Variants in ADGRL3 observed in about 807,000 individuals in gnomAD.
ADGRL3 encodes calcium-independent alpha-latrotoxin receptor 3.
ADGRL3 carries 62 observed loss-of-function variants against 153.5 expected under a neutral mutation model. That is an observed-to-expected ratio of 0.40 (90% confidence interval 0.33 to 0.50). The LOEUF (loss-of-function observed/expected upper bound fraction) is 0.50, where lower values mean the gene tolerates loss of function less well. Ranked by LOEUF, ADGRL3 falls within the 20% of genes least tolerant of loss-of-function variation. The pLI is 0.47. For missense variants in ADGRL3, 1,641 were observed against 1,859.4 expected, an observed-to-expected ratio of 0.88 and a Z score of 2.16; for synonymous variants, 710 against 672.5, an observed-to-expected ratio of 1.06 and a Z score of -0.86.
At chr4:61,747,664 A>G (rs1415606844) in intron 8 of ADGRL3, among the ~76,000 whole-genome samples, 4 of 144,500 alleles carry the variant, frequency 2.8e-5, no homozygotes, top group Non-Finnish European at 6.0e-5. Flanking sequence ...ACAACCCTTC[A>G]TGCTAAAAAC....
At chr4:61,381,027 G>A (rs912359029) in intron 1 of ADGRL3, among the ~76,000 whole-genome samples, 1 of 151,658 alleles carries the variant, frequency 6.6e-6, no homozygotes, top group Non-Finnish European at 1.5e-5. Context: ...CTTCTCATTA[G>A]CAGGCTAAGT....
chr4:61,835,630 A>G (rs1414673595), intron 9 of ADGRL3, among the ~76,000 whole-genome samples: 1 of 152,150 alleles, frequency 6.6e-6, no homozygotes, highest in Non-Finnish European at 1.5e-5. Flanking sequence ...CTTCAAAGAC[A>G]TAGTAAGGAG....
At chr4:61,414,949 T>G (rs891029659) in intron 2 of ADGRL3, among the ~76,000 whole-genome samples, 5 of 152,056 alleles carry the variant, frequency 3.3e-5, no homozygotes, top group Non-Finnish European at 7.4e-5. Flanking sequence ...CTATTTACTC[T>G]GCATAGTAGC....
intron 5 of ADGRL3, among the ~76,000 whole-genome samples, chr4:61,649,239 T>C (rs747937905): frequency 6.6e-6 from 1 of 152,090 alleles, no homozygotes; most frequent in Non-Finnish European, 1.5e-5. Context: ...TTTAAAAAAA[T>C]CAAGTTTATA....
intron 9 of ADGRL3, among the ~76,000 whole-genome samples, chr4:61,871,185 G>A (rs1043761467): frequency 2.0e-5 from 3 of 151,970 alleles, no homozygotes; most frequent in Admixed American, 6.6e-5. Flanking sequence ...GGCTAAGGCA[G>A]GAGAATGGCG....
intron 5 of ADGRL3, among the ~76,000 whole-genome samples, chr4:61,652,740 A>T (rs912125632): frequency 3.9e-5 from 6 of 152,240 alleles, no homozygotes; most frequent in East Asian, 3.8e-4. Context: ...TATTTCTGTC[A>T]TAATTATAAC....
chr4:61,478,437 T>C (rs942040757), intron 2 of ADGRL3, among the ~76,000 whole-genome samples: 1 of 152,066 alleles, frequency 6.6e-6, no homozygotes, highest in South Asian at 2.1e-4. Flanking sequence ...GAGTAGCTAA[T>C]GGATGCTTTT....
chr4:61,286,601 T>C (rs186449107), intron 1 of ADGRL3, among the ~76,000 whole-genome samples: 44 of 151,868 alleles, frequency 2.9e-4, no homozygotes, highest in African/African-American at 1.0e-3. Flanking sequence ...ATATCATTAC[T>C]CAGTAATTGG....
chr4:61,946,865 CTAATT>C (rs757186782), intron 15 of ADGRL3, 44 bp from the exon 16 acceptor site: 28 of 1,390,734 alleles, frequency 2.0e-5, no homozygotes, highest in Middle Eastern at 3.5e-4. Flanking sequence ...TTAGTACTAA[CTAATT>C]TAAGTAGAGT....
At chr4:61,297,587 T>G (rs976070489) in intron 1 of ADGRL3, among the ~76,000 whole-genome samples, 5 of 152,148 alleles carry the variant, frequency 3.3e-5, no homozygotes, top group Non-Finnish European at 5.9e-5. Flanking sequence ...GTTTTTTACT[T>G]GAGTCATATG....
At chr4:61,965,172 A>AT (rs2099001629) in intron 17 of ADGRL3, among the ~76,000 whole-genome samples, 2 of 151,614 alleles carry the variant, frequency 1.3e-5, no homozygotes, top group South Asian at 4.2e-4. Flanking sequence ...TAATTTTTGT[A>AT]TTTTTTTGTA....
chr4:61,871,171 A>G (rs1287599616), intron 9 of ADGRL3, among the ~76,000 whole-genome samples: 1 of 152,014 alleles, frequency 6.6e-6, no homozygotes, highest in Non-Finnish European at 1.5e-5. Context: ...CCAACTACTC[A>G]GCAGGCTAAG....
At chr4:62,043,773 C>T (rs1190706634) in intron 24 of ADGRL3, among the ~76,000 whole-genome samples, 1 of 151,696 alleles carries the variant, frequency 6.6e-6, no homozygotes, top group African/African-American at 2.4e-5. Context: ...AATATCTGAC[C>T]CTTAGAAATT....
At chr4:61,592,067 C>T (rs1046187258) in intron 5 of ADGRL3, among the ~76,000 whole-genome samples, 20 of 109,782 alleles carry the variant, frequency 1.8e-4, no homozygotes, top group African/African-American at 8.2e-4. Context: ...CAGAATGAAA[C>T]TGCTTCAAAA....
chr4:62,032,857 G>T (rs1333843333), intron 23 of ADGRL3, among the ~76,000 whole-genome samples: 5 of 151,494 alleles, frequency 3.3e-5, no homozygotes, highest in African/African-American at 1.2e-4. Context: ...GATGAGTCAG[G>T]TTTCTAAATG....
rs1203029363 is a variant in ADGRL3, at chr4:62,006,032, A to ATATATAT, written c.3395+7768_3395+7769insATATATT. ...TATATATATATATATATATATATAT[A>ATATATAT]TTTTTTTTTTTTTTTGAGAAAGGGT... On this transcript the variant is annotated intron_variant, in intron 21 of 26. Coordinates refer to ENST00000683033, the MANE Select transcript of ADGRL3 (RefSeq NM_001387552.1). 2.6e-3 allele frequency among the ~76,000 whole-genome samples: 192 copies of ATATATAT among 73,060 alleles called. 4 individuals are homozygous for ATATATAT. The highest frequency in any genetic ancestry group is 0.011 in the East Asian group (28 of 2,454). 47.9% of individuals were successfully genotyped at this position (73,060 alleles called of 152,430 possible). A position where few individuals can be genotyped will look rare whatever the true frequency, so the allele number is the denominator to read the frequency against.
At chr4:61,753,685 A>G (rs1461536523) in intron 8 of ADGRL3, among the ~76,000 whole-genome samples, 2 of 152,230 alleles carry the variant, frequency 1.3e-5, no homozygotes, top group African/African-American at 4.8e-5. Context: ...ATTAGATTCT[A>G]TGTTTGAAAT....
intron 8 of ADGRL3, among the ~76,000 whole-genome samples, chr4:61,803,208 G>C (rs1276650650): frequency 6.6e-6 from 1 of 151,938 alleles, no homozygotes; most frequent in Non-Finnish European, 1.5e-5. Flanking sequence ...TTTCATACAG[G>C]AGTTATGTGA....
intron 2 of ADGRL3, among the ~76,000 whole-genome samples, chr4:61,452,930 C>T (rs1253738299): frequency 1.3e-5 from 2 of 152,016 alleles, no homozygotes; most frequent in African/African-American, 4.8e-5. Flanking sequence ...TTAGGAAATA[C>T]TCATATTAGG....
Sources: gnomAD v4.1 joint callset for allele counts (sites outside exome capture counted in the v4.1 genomes callset) on GRCh38, gnomAD v4.1.1 for gene constraint, MANE v1.5 for transcripts, NCBI Gene and HGNC (gene_info 2026-07-23, HGNC 2026-07-21) for gene names.